TLN2: variants seen among roughly 807,000 people sequenced by gnomAD.
TLN2 encodes talin 2.
A neutral mutation model predicts 294.7 loss-of-function variants in TLN2; 118 were observed. The observed-to-expected ratio is 0.40, with a 90% CI of 0.34 to 0.47. TLN2 has a LOEUF of 0.47. Ranked by LOEUF, TLN2 falls within the 20% of genes least tolerant of loss-of-function variation. The pLI, the probability that TLN2 is intolerant of heterozygous loss-of-function variation, is 0.84. For synonymous variants in TLN2, 1,431 were observed against 1,304.5 expected, an observed-to-expected ratio of 1.10 and a Z score of -2.09; for missense variants, 3,083 against 3,282.2, an observed-to-expected ratio of 0.94 and a Z score of 1.48.
At chr15:62,606,107 A>G (rs1302142347) in intron 2 of TLN2, among the ~76,000 whole-genome samples, 1 of 152,070 alleles carries the variant, frequency 6.6e-6, no homozygotes, top group African/African-American at 2.4e-5. Context: ...TTTGAGACGG[A>G]GTCTCACTCT....
chr15:62,790,703 A>G (rs2065012005), intron 45 of TLN2, among the ~76,000 whole-genome samples: 1 of 152,210 alleles, frequency 6.6e-6, no homozygotes, highest in Non-Finnish European at 1.5e-5. Flanking sequence ...GATCTGGAAC[A>G]CTTCAAGAGC....
intron 2 of TLN2, among the ~76,000 whole-genome samples, chr15:62,616,495 C>T (rs2048325951): frequency 6.6e-6 from 1 of 152,166 alleles, no homozygotes; most frequent in Non-Finnish European, 1.5e-5. Context: ...GTGGTGTGAT[C>T]ATGAATCGCT....
At chr15:62,477,714 G>A (rs1180281735) in intron 1 of TLN2, among the ~76,000 whole-genome samples, 1 of 152,064 alleles carries the variant, frequency 6.6e-6, no homozygotes, top group African/African-American at 2.4e-5. Context: ...GGCCCATGGG[G>A]CACTTGCAGT....
At chr15:62,671,162 T>A (rs182503535) in intron 9 of TLN2, among the ~76,000 whole-genome samples, 59 of 152,360 alleles carry the variant, frequency 3.9e-4, no homozygotes, top group African/African-American at 1.3e-3. Flanking sequence ...AAAGGTTTTT[T>A]ATATATTCTG....
intron 32 of TLN2, among the ~76,000 whole-genome samples, chr15:62,741,748 C>CGCGCGTGTGTGT: frequency 1.3e-4 from 17 of 131,162 alleles, no homozygotes; most frequent in South Asian, 1.1e-3. Context: ...AAAATTTGCG[C>CGCGCGTGTGTGT]GTGTGTGTGT....
chr15:62,398,363 T>G (rs2032734395), intron 1 of TLN2, among the ~76,000 whole-genome samples: 1 of 152,106 alleles, frequency 6.6e-6, no homozygotes, highest in Non-Finnish European at 1.5e-5. Flanking sequence ...CATGCTGAAT[T>G]GTGACTCAAT....
intron 1 of TLN2, among the ~76,000 whole-genome samples, chr15:62,402,759 A>G (rs960030756): frequency 6.6e-6 from 1 of 152,222 alleles, no homozygotes; most frequent in Non-Finnish European, 1.5e-5. Context: ...AGAAGAAGCA[A>G]TTAGAAGCTA....
intron 21 of TLN2, among the ~76,000 whole-genome samples, chr15:62,709,312 T>C (rs948759785): frequency 1.2e-4 from 19 of 152,126 alleles, no homozygotes; most frequent in Non-Finnish European, 2.6e-4. Context: ...CAATTTAGGA[T>C]TGGCTAGTTT....
intron 42 of TLN2, among the ~76,000 whole-genome samples, chr15:62,773,268 GT>G (rs1334389063): frequency 1.2e-5 from 1 of 85,586 alleles, no homozygotes; most frequent in African/African-American, 4.7e-5. Context: ...AGTTTCCTGT[GT>G]TCCCAGCCAT....
intron 1 of TLN2, among the ~76,000 whole-genome samples, chr15:62,458,427 C>A (rs911939144): frequency 6.6e-6 from 1 of 152,034 alleles, no homozygotes; most frequent in Non-Finnish European, 1.5e-5. Context: ...TGAGAGATGG[C>A]ACATTGATTA....
intron 11 of TLN2, among the ~76,000 whole-genome samples, chr15:62,679,743 C>T (rs1261319757): frequency 6.6e-6 from 1 of 152,196 alleles, no homozygotes; most frequent in Non-Finnish European, 1.5e-5. Flanking sequence ...CATCAGGTTT[C>T]CTCCAATGCT....
intron 3 of TLN2, among the ~76,000 whole-genome samples, chr15:62,625,632 G>T (rs1324891291): frequency 6.6e-6 from 1 of 152,160 alleles, no homozygotes; most frequent in African/African-American, 2.4e-5. Flanking sequence ...GGGGAGGACG[G>T]GAACTCCCGC....
At chr15:62,697,918 A>T (rs767584197) in intron 15 of TLN2, 50 bp downstream of exon 15, 2 of 1,588,234 alleles carry the variant, frequency 1.3e-6, no homozygotes, top group East Asian at 4.5e-5. Flanking sequence ...TGCCTCCCGC[A>T]TGCAGGGTGG....
rs77570046 is a variant in TLN2, at chr15:62,412,687, T to C, written c.-238+22002T>C. On this transcript the variant is annotated intron_variant, in intron 1 of 58. Coordinates refer to ENST00000636159, the MANE Select transcript of TLN2 (RefSeq NM_015059.3). ...CAGCAGTGGGTCCTTGAAAAAGTTGTTATATTTTTGTCCAAGGGCAGGATC... is the reference window on the plus strand; with the variant it reads ...CAGCAGTGGGTCCTTGAAAAAGTTGCTATATTTTTGTCCAAGGGCAGGATC... 2.1e-3 allele frequency among the ~76,000 whole-genome samples: 326 copies of C among 152,328 alleles called. 3 individuals carry two copies. The highest frequency in any genetic ancestry group is 7.6e-3 in the African/African-American group (315 of 41,580).
In TLN2 at chr15:62,744,107, A is replaced by G. The variant is rs372141907; in HGVS notation, c.4025+3338A>G. 1.6e-3 allele frequency among the ~76,000 whole-genome samples: 243 copies of G among 152,286 alleles called. 4 individuals carry two copies. In the Middle Eastern group the frequency reaches 0.027, roughly 17 times the overall value. On this transcript the variant is annotated intron_variant, in intron 32 of 58. Transcript: ENST00000636159. ...TTTCCTTCCCTCCATCCAAATCAGGATGTCACTCAGCCCTGACTTTTCCAA... is the reference window on the plus strand; with the variant it reads ...TTTCCTTCCCTCCATCCAAATCAGGGTGTCACTCAGCCCTGACTTTTCCAA...
At chr15:62,689,952 C>T (rs1419048873) in intron 12 of TLN2, among the ~76,000 whole-genome samples, 1 of 22,506 alleles carries the variant, frequency 4.4e-5, no homozygotes, top group African/African-American at 8.8e-5. Context: ...CCACCTCCCT[C>T]CCGGATGGGG....
intron 3 of TLN2, among the ~76,000 whole-genome samples, chr15:62,633,741 A>G (rs1328462900): frequency 1.3e-5 from 2 of 152,228 alleles, no homozygotes; most frequent in Non-Finnish European, 2.9e-5. Flanking sequence ...GCCTGTATTT[A>G]GCCTGGCTAA....
chr15:62,562,684 C>A (rs189483384), intron 1 of TLN2, among the ~76,000 whole-genome samples: 2 of 151,954 alleles, frequency 1.3e-5, no homozygotes, highest in Non-Finnish European at 2.9e-5. Flanking sequence ...AGTCTTTTAT[C>A]CCTCACCCAC....
chr15:62,636,195 A>AAGG (rs1274980883), intron 3 of TLN2, among the ~76,000 whole-genome samples: 1 of 152,218 alleles, frequency 6.6e-6, no homozygotes, highest in African/African-American at 2.4e-5. Flanking sequence ...GGATTTACAT[A>AAGG]ACCTGTAGAG....
Sources: allele counts gnomAD v4.1 joint callset (sites outside exome capture counted in the v4.1 genomes callset), GRCh38; gene constraint gnomAD v4.1.1; transcripts MANE v1.5; gene names NCBI Gene and HGNC (gene_info 2026-07-23, HGNC 2026-07-21).